PLCXD1: variants seen among roughly 807,000 people sequenced by gnomAD.
PLCXD1 encodes the protein PI-PLC X domain-containing protein 1.
PLCXD1 carries 45 observed loss-of-function variants against 37.8 expected under a neutral mutation model. The observed-to-expected ratio is 1.19, with a 90% CI of 0.94 to 1.53. PLCXD1 has a LOEUF of 1.53. Among genes scored for constraint, PLCXD1 ranks in the 40% most tolerant of loss-of-function variants. The pLI is 0.00. For missense variants in PLCXD1, 539 were observed against 454.7 expected, an observed-to-expected ratio of 1.19 and a Z score of -1.69; for synonymous variants, 246 against 206.9, an observed-to-expected ratio of 1.19 and a Z score of -1.62.
chrX:284,956 G>A (rs914362920), intron 2 of PLCXD1, among the ~76,000 whole-genome samples: 2 of 152,160 alleles, frequency 1.3e-5, no homozygotes, highest in African/African-American at 4.8e-5. Flanking sequence ...CCCGCCCCGT[G>A]ATTCGGTGAC....
chrX:295,092 C>T (rs954337095), intron 6 of PLCXD1, among the ~76,000 whole-genome samples: 1 of 151,330 alleles, frequency 6.6e-6, no homozygotes, highest in African/African-American at 2.4e-5. Context: ...ATTGCTTGAA[C>T]CCGGGGGCGG....
intron 2 of PLCXD1, among the ~76,000 whole-genome samples, chrX:288,053 C>T (rs1329998746): frequency 2.0e-5 from 3 of 151,434 alleles, no homozygotes; most frequent in African/African-American, 4.8e-5. Flanking sequence ...GGCTTGTGGC[C>T]GCATCACTCC....
At chrX:291,386 T>C in intron 4 of PLCXD1, 113 bp from the exon 5 acceptor site, 5 of 1,149,954 alleles carry the variant, frequency 4.3e-6, no homozygotes, top group Non-Finnish European at 6.5e-6. Flanking sequence ...CCTCAGGTGA[T>C]CCACCCGCCT....
At chrX:285,996 C>T (rs7884203) in intron 2 of PLCXD1, among the ~76,000 whole-genome samples, 3,717 of 151,964 alleles carry the variant, frequency 0.024, 162 homozygotes, top group African/African-American at 0.084. Flanking sequence ...GAAGTGGCAT[C>T]GAGCACTGAT....
rs1262888610 is a variant in PLCXD1 at position 282,933 on chromosome X, GTTATATATATA to G, written c.-21-1214_-21-1204del. On this transcript the variant is annotated intron_variant, in intron 1 of 6. Transcript: ENST00000381657. Reference sequence around the variant, plus strand: ...ATATGTATATATGTTATACATGTATGTTATATATATATTATATATATATTATATATGTATAT... The same window carrying G: ...ATATGTATATATGTTATACATGTATGTTATATATATATTATATATGTATAT... Among the ~76,000 whole-genome samples the G allele has an allele frequency of 4.6e-3, 546 of 119,006 alleles. 2 individuals are homozygous for G. Among genetic ancestry groups the G allele is most frequent in the African/African-American group, 0.019 (502 of 26,250 alleles). 78.1% of individuals were successfully genotyped at this position (119,006 alleles called of 152,430 possible).
In PLCXD1 at chrX:291,495, C is replaced by G; in HGVS notation, c.394-4C>G. ...AGGACTCAGCCCAGCACCCCCCTCC[C>G]CAGGACACACTCACGGAAATCTCGG... On this transcript the variant is annotated splice_region_variant and splice_polypyrimidine_tract_variant and intron_variant, in intron 4 of 6. Transcript: ENST00000381657. The G allele has an allele frequency of 2.5e-6, 4 of 1,612,336 alleles. 1 individual carries two copies. The highest frequency in any genetic ancestry group is 3.4e-6 in the Non-Finnish European group (4 of 1,179,816).
chrX:295,102 G>A (rs2069761791), intron 6 of PLCXD1, among the ~76,000 whole-genome samples: 1 of 151,318 alleles, frequency 6.6e-6, no homozygotes, highest in African/African-American at 2.4e-5. Flanking sequence ...CCCGGGGGCG[G>A]AGGCTGCCGT....
At position 287,540 on chromosome X, in the gene PLCXD1, TTATATA is replaced by T. The variant is rs1295918326; in HGVS notation, c.128-1190_128-1185del. Among the ~76,000 whole-genome samples the T allele has an allele frequency of 3.8e-5, 4 of 104,226 alleles. 1 individual carries two copies. Among genetic ancestry groups the T allele is most frequent in the African/African-American group, 2.2e-4 (4 of 17,960 alleles). The allele number at this position is 104,226 out of a possible 152,430, so 68.4% of individuals were successfully genotyped here. A position where few individuals can be genotyped will look rare whatever the true frequency, so the allele number is the denominator to read the frequency against. ...ATATAGATATAGATACTATATATGT[TTATATA>T]TAGATATAGATACTATATATGTTTA... On this transcript the variant is annotated intron_variant, in intron 2 of 6. Transcript: ENST00000381657.
At chrX:283,711 G>A (rs1299914920) in intron 1 of PLCXD1, 1 of 153,290 alleles carries the variant, frequency 6.5e-6, no homozygotes, top group Non-Finnish European at 1.4e-5. Flanking sequence ...AGGGCAAGAG[G>A]GCAACGGTGG....
chrX:284,754 TATA>T (rs1343938001), intron 2 of PLCXD1, among the ~76,000 whole-genome samples: 1 of 126,478 alleles, frequency 7.9e-6, no homozygotes, highest in African/African-American at 2.9e-5. Flanking sequence ...CTGGGTAATT[TATA>T]AAAGAGGTTT....
At chrX:278,493 CT>C, upstream of PLCXD1, among the ~76,000 whole-genome samples, 12 of 152,058 alleles carry the variant, frequency 7.9e-5, no homozygotes, top group Admixed American at 2.6e-4. Flanking sequence ...CATCCCAGCA[CT>C]TTGGGAGGCC....
In PLCXD1 at chrX:299,603, C is replaced by G. The variant is rs1569338693; in HGVS notation, c.*268C>G. The G allele has an allele frequency of 3.6e-6, 2 of 556,662 alleles. No homozygotes were observed. Among genetic ancestry groups the G allele is most frequent in the African/African-American group, 1.9e-5 (1 of 51,668 alleles). 34.5% of individuals were successfully genotyped at this position (556,662 alleles called of 1,614,324 possible). On this transcript the variant is annotated 3_prime_UTR_variant, in exon 7 of 7. Coordinates refer to ENST00000381657, the MANE Select transcript of PLCXD1 (RefSeq NM_018390.4). The stretch of plus-strand genomic sequence containing the variant: ...TGAAATCCCATCTCTACTAAAAATA[C>G]AAAACTTAGCTGGGTGTGTGGCAGG...
intron 2 of PLCXD1, among the ~76,000 whole-genome samples, chrX:288,337 C>T (rs1275526188): frequency 6.6e-6 from 1 of 151,074 alleles, no homozygotes; most frequent in Non-Finnish European, 1.5e-5. Flanking sequence ...ATCCTTCCTG[C>T]CTCTCCCAGC....
In PLCXD1 at chrX:299,399, T is replaced by A; in HGVS notation, c.*64T>A. The stretch of plus-strand genomic sequence containing the variant: ...TTCACCCCCGAATTTCCAAGTATTG[T>A]GACTTTGTTTGGGCCAAATGTTGGT... On this transcript the variant is annotated 3_prime_UTR_variant, in exon 7 of 7. Coordinates refer to ENST00000381657, the MANE Select transcript of PLCXD1 (RefSeq NM_018390.4). 8.6e-7 allele frequency: 1 copy of A among 1,164,832 alleles called. No homozygotes were observed. Among genetic ancestry groups the A allele is most frequent in the Non-Finnish European group, 1.3e-6 (1 of 771,572 alleles). The allele number at this position is 1,164,832 out of a possible 1,614,324, so 72.2% of individuals were successfully genotyped here.
rs376217639 is a variant in PLCXD1, at chrX:299,448, G to A, written c.*113G>A. ...GTGATCATAGGACCGATGATAATAC[G>A]TTTTCATTTTCTTTAAAATAGAGAT... On this transcript the variant is annotated 3_prime_UTR_variant, in exon 7 of 7. Coordinates refer to ENST00000381657, the MANE Select transcript of PLCXD1 (RefSeq NM_018390.4). 30 of 822,254 alleles carry A rather than the reference G, an allele frequency of 3.6e-5. No individual in the cohort carries two copies. Among genetic ancestry groups the A allele is most frequent in the East Asian group, 7.4e-5 (3 of 40,692 alleles). The allele number at this position is 822,254 out of a possible 1,614,324, so 50.9% of individuals were successfully genotyped here.
chrX:284,703 G>T (rs2069391848), intron 2 of PLCXD1, among the ~76,000 whole-genome samples: 1 of 152,016 alleles, frequency 6.6e-6, no homozygotes, highest in Admixed American at 6.6e-5. Context: ...TGCATACTGT[G>T]TTGGTCTGTT....
intron 2 of PLCXD1, among the ~76,000 whole-genome samples, chrX:287,464 A>AT (rs200813757): frequency 0.11 from 13,789 of 128,316 alleles, 827 homozygotes; most frequent in African/African-American, 0.19. Flanking sequence ...TTATATATAG[A>AT]ATATATACTA....
chrX:294,435 T>G (rs1380495440), intron 6 of PLCXD1, among the ~76,000 whole-genome samples: 1 of 147,728 alleles, frequency 6.8e-6, no homozygotes, highest in East Asian at 2.0e-4. Context: ...TGAGCCGAGA[T>G]CACGCCACTG....
intron 6 of PLCXD1, 107 bp from the exon 7 acceptor site, chrX:298,990 C>G (rs192650710): frequency 1.9e-4 from 169 of 877,590 alleles, no homozygotes; most frequent in African/African-American, 1.3e-3. Context: ...ATGGTGCTTT[C>G]AACTCTTAAT....
Sources: gnomAD v4.1 joint callset for allele counts (sites outside exome capture counted in the v4.1 genomes callset) on GRCh38, gnomAD v4.1.1 for gene constraint, MANE v1.5 for transcripts, NCBI Gene and HGNC (gene_info 2026-07-23, HGNC 2026-07-21) for gene names.